Variants in ZNF208 observed in about 807,000 individuals in gnomAD.
The protein encoded by ZNF208 is zinc finger protein 208.
ZNF208 carries 10 observed loss-of-function variants against 12.1 expected under a neutral mutation model. The observed-to-expected ratio is 0.83, with a 90% CI of 0.51 to 1.40. The LOEUF is 1.40. Ranked by LOEUF, ZNF208 falls within the 40% of genes most tolerant of loss-of-function variation. The pLI, the probability that ZNF208 is intolerant of heterozygous loss-of-function variation, is 0.00. For missense variants in ZNF208, 1,652 were observed against 1,485.0 expected (o/e 1.11, Z -1.85); for synonymous variants, 497 against 488.4 (o/e 1.02, Z -0.23).
chr19:21,977,815 C>T (rs1970461656), intron 3 of ZNF208, among the ~76,000 whole-genome samples: 1 of 152,224 alleles, frequency 6.6e-6, no homozygotes, highest in Admixed American at 6.5e-5. Flanking sequence ...GGGAGCCCAG[C>T]CGGCTAAGAT....
intron 1 of ZNF208, among the ~76,000 whole-genome samples, chr19:22,000,930 C>G (rs554891987): frequency 1.3e-5 from 2 of 152,106 alleles, no homozygotes; most frequent in African/African-American, 4.8e-5. Context: ...CAAACGAAAT[C>G]TAGAAGAAAT....
At chr19:22,001,235 A>G (rs1568457018) in intron 1 of ZNF208, among the ~76,000 whole-genome samples, 1 of 152,208 alleles carries the variant, frequency 6.6e-6, no homozygotes, top group Admixed American at 6.5e-5. Context: ...CGGTGAGCCG[A>G]GATCGAGCCA....
chr19:21,980,342 T>A (rs1448125426), intron 3 of ZNF208, among the ~76,000 whole-genome samples: 3 of 151,982 alleles, frequency 2.0e-5, no homozygotes, highest in East Asian at 1.9e-4. Flanking sequence ...CAGCAAATTT[T>A]AAAAAATGGA....
intron 1 of ZNF208, chr19:21,998,133 T>A (rs1970874365): frequency 6.6e-6 from 1 of 151,390 alleles, no homozygotes; most frequent in African/African-American, 2.4e-5. Context: ...AAAAAATTTT[T>A]TTTTTTTGAG....
chr19:21,977,613 C>T (rs1018101746), intron 3 of ZNF208, among the ~76,000 whole-genome samples: 3 of 152,178 alleles, frequency 2.0e-5, no homozygotes, highest in East Asian at 1.9e-4. Flanking sequence ...GTGCCTATGA[C>T]ACCAGGGCCC....
chr19:21,961,662 TA>T (rs1158043323), downstream of ZNF208, among the ~76,000 whole-genome samples: 2 of 152,046 alleles, frequency 1.3e-5, no homozygotes, highest in Non-Finnish European at 2.9e-5. Context: ...AGCGGCTGTT[TA>T]TAGACCTCCC....
At chr19:22,001,892 C>CAAAAAACCAAAAAAA (rs1970956426) in intron 1 of ZNF208, among the ~76,000 whole-genome samples, 1 of 74,106 alleles carries the variant, frequency 1.3e-5, no homozygotes, top group Non-Finnish European at 2.7e-5. Context: ...GACTCCATCC[C>CAAAAAACCAAAAAAA]AAAAAAAAAA....
At chr19:21,979,676 T>G (rs903007134) in intron 3 of ZNF208, among the ~76,000 whole-genome samples, 1 of 152,158 alleles carries the variant, frequency 6.6e-6, no homozygotes, top group Non-Finnish European at 1.5e-5. Context: ...CATCAACTAA[T>G]GGGCAAAATA....
At chr19:21,963,533 A>C (rs1271746621), downstream of ZNF208, among the ~76,000 whole-genome samples, 2 of 151,994 alleles carry the variant, frequency 1.3e-5, no homozygotes, top group Non-Finnish European at 2.9e-5. Flanking sequence ...ACGAATGGGC[A>C]AAAAAAGGTG....
intron 1 of ZNF208, among the ~76,000 whole-genome samples, chr19:22,009,114 A>G (rs773396066): frequency 6.6e-6 from 1 of 152,202 alleles, no homozygotes; most frequent in Admixed American, 6.5e-5. Flanking sequence ...AAGAAAAAAT[A>G]TTTACAAACA....
intron 3 of ZNF208, among the ~76,000 whole-genome samples, chr19:21,979,105 G>A (rs541614007): frequency 2.6e-5 from 4 of 152,134 alleles, no homozygotes; most frequent in Non-Finnish European, 5.9e-5. Flanking sequence ...CATTTAATTC[G>A]GGTACGTGAA....
chr19:21,982,707 C>A (rs965951748), intron 3 of ZNF208, among the ~76,000 whole-genome samples: 60 of 152,136 alleles, frequency 3.9e-4, no homozygotes, highest in Admixed American at 2.0e-3. Flanking sequence ...AGAAATAACA[C>A]CACACATCTA....
chr19:21,945,945 C>G (rs1443507114), intron 4 of ZNF208, among the ~76,000 whole-genome samples: 1 of 151,658 alleles, frequency 6.6e-6, no homozygotes, highest in Non-Finnish European at 1.5e-5. Context: ...GGAACTAGCA[C>G]AGGGGGTTGT....
chr19:21,974,870 A>T, intron 3 of ZNF208, 63 bp from the exon 4 acceptor site: 9 of 1,439,440 alleles, frequency 6.3e-6, no homozygotes, highest in Non-Finnish European at 8.2e-6. Flanking sequence ...ACAGTTTCTA[A>T]ATCTAAACTA....
intron 4 of ZNF208, among the ~76,000 whole-genome samples, chr19:21,958,072 G>C (rs968241246): frequency 6.6e-6 from 1 of 151,762 alleles, no homozygotes; most frequent in African/African-American, 2.4e-5. Flanking sequence ...ACCTATGAGT[G>C]AGAATATGCA....
At chr19:21,944,154 C>T (rs557557793) in intron 4 of ZNF208, among the ~76,000 whole-genome samples, 1 of 152,288 alleles carries the variant, frequency 6.6e-6, no homozygotes, top group East Asian at 1.9e-4. Context: ...GGATTTTCTG[C>T]TCCTTGTTTC....
intron 4 of ZNF208, among the ~76,000 whole-genome samples, chr19:21,956,109 C>A (rs1969971589): frequency 6.6e-6 from 1 of 152,220 alleles, no homozygotes; most frequent in Non-Finnish European, 1.5e-5. Flanking sequence ...CCACTCCAGA[C>A]CCTGTTTGCC....
At chr19:22,008,003 T>TAAAAAAA (rs139821713) in intron 1 of ZNF208, among the ~76,000 whole-genome samples, 15 of 99,158 alleles carry the variant, frequency 1.5e-4, no homozygotes, top group African/African-American at 5.0e-4. Flanking sequence ...AGCACTGTCT[T>TAAAAAAA]AAAAAAAAAA....
At chr19:22,008,440 T>C (rs1971088574) in intron 1 of ZNF208, among the ~76,000 whole-genome samples, 1 of 152,146 alleles carries the variant, frequency 6.6e-6, no homozygotes, top group Non-Finnish European at 1.5e-5. Flanking sequence ...CACCCCATCC[T>C]GTTCACTTAA....
Sources: allele counts gnomAD v4.1 joint callset (sites outside exome capture counted in the v4.1 genomes callset), GRCh38; gene constraint gnomAD v4.1.1; transcripts MANE v1.5; gene names NCBI Gene and HGNC (gene_info 2026-07-23, HGNC 2026-07-21).